ACBD3: variants seen among roughly 807,000 people sequenced by gnomAD.
ACBD3 encodes Golgi resident protein GCP60.
Under a neutral mutation model 66.9 loss-of-function variants are expected in ACBD3, and 30 were observed. That is an observed-to-expected ratio of 0.45 (90% CI 0.34 to 0.61). The LOEUF (loss-of-function observed/expected upper bound fraction) is 0.61, where lower values mean the gene tolerates loss of function less well. Ranked by LOEUF, ACBD3 falls within the 20% of genes least tolerant of loss-of-function variation. The pLI, the probability that ACBD3 is intolerant of heterozygous loss-of-function variation, is 0.02. For missense variants in ACBD3, 544 were observed against 664.5 expected, an observed-to-expected ratio of 0.82 and a Z score of 1.99; for synonymous variants, 278 against 259.8, an observed-to-expected ratio of 1.07 and a Z score of -0.68.
intron 1 of ACBD3, among the ~76,000 whole-genome samples, chr1:226,172,155 CAAA>C (rs779380166): frequency 2.3e-5 from 1 of 43,232 alleles, no homozygotes; most frequent in African/African-American, 7.8e-5. Context: ...AACTCCATCT[CAAA>C]AAAAAAAAAA....
Position 226,145,972 on chromosome 1 carries a change from C to T in ACBD3, c.*638G>A, listed in dbSNP as rs922861466. 1 of 152,634 alleles carries T rather than the reference C, an allele frequency of 6.6e-6. No individual in the cohort carries two copies. Among genetic ancestry groups the T allele is most frequent in the Non-Finnish European group, 1.5e-5 (1 of 68,070 alleles). The allele number at this position is 152,634 out of a possible 1,614,324, so 9.5% of individuals were successfully genotyped here. A position where few individuals can be genotyped will look rare whatever the true frequency, so the allele number is the denominator to read the frequency against. On this transcript the variant is annotated 3_prime_UTR_variant, in exon 8 of 8. Transcript: ENST00000366812. ...AGGTGTTCTACGTATCTTGATACTT[C>T]AATTATCAATTAGTTTTGAACATTC...
At chr1:226,151,991 A>C (rs1016644990) in intron 7 of ACBD3, among the ~76,000 whole-genome samples, 1 of 151,940 alleles carries the variant, frequency 6.6e-6, no homozygotes, top group African/African-American at 2.4e-5. Flanking sequence ...TGGGTGACAG[A>C]GTGAGACTCT....
intron 1 of ACBD3, among the ~76,000 whole-genome samples, chr1:226,183,152 A>C (rs536221155): frequency 6.6e-6 from 1 of 152,236 alleles, no homozygotes; most frequent in Admixed American, 6.5e-5. Context: ...CCACAGTGGA[A>C]GAGAAAATGT....
chr1:226,168,489 G>T (rs1401652476), intron 1 of ACBD3, among the ~76,000 whole-genome samples: 1 of 152,154 alleles, frequency 6.6e-6, no homozygotes, highest in East Asian at 1.9e-4. Context: ...AACTTAAAAG[G>T]TTATCAATAA....
At chr1:226,174,502 C>T (rs919435525) in intron 1 of ACBD3, among the ~76,000 whole-genome samples, 3 of 152,268 alleles carry the variant, frequency 2.0e-5, no homozygotes, top group Admixed American at 6.5e-5. Flanking sequence ...TGGTGGCTCA[C>T]GCCTGTAATC....
chr1:226,151,257 G>A (rs2102774509), intron 7 of ACBD3, among the ~76,000 whole-genome samples: 1 of 152,280 alleles, frequency 6.6e-6, no homozygotes, highest in Admixed American at 6.5e-5. Context: ...CACCTGAAAG[G>A]TCAGTTAGTC....
chr1:226,161,596 C>G lies in ACBD3; in HGVS notation c.663G>C (p.Arg221Ser), dbSNP rs191893895. The change falls in exon 4 of 8, where the codon AGG (arginine) becomes AGC (serine). Residue 221 changes from arginine (R) to serine (S), a missense_variant. Physicochemically the swap from Arg to Ser is moderately radical, Grantham distance 110. Coordinates refer to ENST00000366812, the MANE Select transcript of ACBD3 (RefSeq NM_022735.4). ...EEKRRREEEE[R>S]LRREEEERRR... is the part of the protein sequence containing the mutation. ...TCCTTTCCTCTTCCTCCCGTCGAAG[C>G]CTTTCCTCTTCTTCTCTCCTACGTT... 34 of 1,614,068 alleles carry G rather than the reference C, an allele frequency of 2.1e-5. No individual in the cohort carries two copies. The highest frequency in any genetic ancestry group is 2.5e-5 in the Non-Finnish European group (30 of 1,180,000).
intron 1 of ACBD3, among the ~76,000 whole-genome samples, chr1:226,176,008 C>T (rs953041131): frequency 4.6e-5 from 7 of 152,074 alleles, no homozygotes; most frequent in African/African-American, 1.2e-4. Context: ...TTGCAGTTGG[C>T]CTTTTCCTGA....
rs541323897 is a variant in ACBD3, at chr1:226,161,748, T to C, written c.570-59A>G. Reference sequence around the variant, plus strand: ...GTTGAATCCTGTTTAAAAATAAAACTTTAGCTCCCAGGGAAAACTGACATG... The same window carrying C: ...GTTGAATCCTGTTTAAAAATAAAACCTTAGCTCCCAGGGAAAACTGACATG... On this transcript the variant is annotated intron_variant, in intron 3 of 7. Transcript: ENST00000366812. 14 of 1,494,488 alleles carry C rather than the reference T, an allele frequency of 9.4e-6. No individual in the cohort carries two copies. In the South Asian group the frequency reaches 1.7e-4, roughly 19 times the overall value. 92.6% of individuals were successfully genotyped at this position (1,494,488 alleles called of 1,614,324 possible).
At chr1:226,166,103 C>T (rs1659872550) in intron 1 of ACBD3, 103 bp from the exon 2 acceptor site, 4 of 1,263,826 alleles carry the variant, frequency 3.2e-6, no homozygotes, top group Non-Finnish European at 4.3e-6. Context: ...CACAAACTGC[C>T]TGTAATAGAC....
In ACBD3 at chr1:226,146,355, A is replaced by G; in HGVS notation, c.*255T>C. 1 of 423,758 alleles carries G rather than the reference A, an allele frequency of 2.4e-6. No homozygotes were observed. The highest frequency in any genetic ancestry group is 4.3e-6 in the Non-Finnish European group (1 of 234,788). 26.2% of individuals were successfully genotyped at this position (423,758 alleles called of 1,614,324 possible). On this transcript the variant is annotated 3_prime_UTR_variant, in exon 8 of 8. Coordinates refer to ENST00000366812, the MANE Select transcript of ACBD3 (RefSeq NM_022735.4). ...AAATATTTAACATGTAGCTCATGTA[A>G]CTTCAGCATCCACTAGTGACTCTGC...
At chr1:226,156,663 C>T (rs979425423) in intron 5 of ACBD3, among the ~76,000 whole-genome samples, 3 of 152,156 alleles carry the variant, frequency 2.0e-5, no homozygotes, top group African/African-American at 7.2e-5. Context: ...CTTCTCTTTG[C>T]TGCTAATATA....
intron 1 of ACBD3, among the ~76,000 whole-genome samples, chr1:226,174,235 GA>G (rs1301718623): frequency 6.6e-6 from 1 of 152,032 alleles, no homozygotes; most frequent in East Asian, 1.9e-4. Flanking sequence ...TCCCAGAAGG[GA>G]ACACAAGCAT....
chr1:226,160,851 G>A (rs996097391), intron 4 of ACBD3, among the ~76,000 whole-genome samples: 5 of 152,194 alleles, frequency 3.3e-5, no homozygotes, highest in African/African-American at 9.7e-5. Flanking sequence ...GACTATAAAT[G>A]GATATCTGAC....
At chr1:226,152,064 G>A (rs965577678) in intron 7 of ACBD3, among the ~76,000 whole-genome samples, 16 of 152,000 alleles carry the variant, frequency 1.1e-4, no homozygotes, top group Non-Finnish European at 2.1e-4. Context: ...CAACACACAC[G>A]GTTAGAAGTA....
chr1:226,183,079 A>C (rs1181507149), intron 1 of ACBD3, among the ~76,000 whole-genome samples: 2 of 152,224 alleles, frequency 1.3e-5, no homozygotes, highest in Non-Finnish European at 2.9e-5. Flanking sequence ...AGGGCTTGTC[A>C]TTTCCAACCC....
intron 2 of ACBD3, among the ~76,000 whole-genome samples, chr1:226,165,164 ATTTTTCT>A (rs1370225588): frequency 1.8e-4 from 28 of 151,536 alleles, no homozygotes; most frequent in Non-Finnish European, 4.4e-5. Flanking sequence ...AAGAGTATCA[ATTTTTCT>A]TTTTTCTTTT....
intron 7 of ACBD3, among the ~76,000 whole-genome samples, chr1:226,151,410 T>C (rs1253389855): frequency 6.6e-6 from 1 of 152,188 alleles, no homozygotes; most frequent in Non-Finnish European, 1.5e-5. Flanking sequence ...GTAACAAAAA[T>C]AAAGAGACCC....
At chr1:226,169,674 T>C (rs1318380766) in intron 1 of ACBD3, among the ~76,000 whole-genome samples, 2 of 141,778 alleles carry the variant, frequency 1.4e-5, no homozygotes, top group Non-Finnish European at 3.0e-5. Context: ...CCTCCCAAAG[T>C]GCTAGCATTA....
Sources: allele counts gnomAD v4.1 joint callset (sites outside exome capture counted in the v4.1 genomes callset), GRCh38; gene constraint gnomAD v4.1.1; transcripts MANE v1.5; gene names NCBI Gene and HGNC (gene_info 2026-07-23, HGNC 2026-07-21).